WDR49: variants seen among roughly 807,000 people sequenced by gnomAD.
The protein encoded by WDR49 is WD repeat domain 49, also known as cilia- and flagella-associated protein 337.
WDR49 carries 107 observed loss-of-function variants against 119.5 expected under a neutral mutation model. The observed-to-expected ratio is 0.90, with a 90% CI of 0.77 to 1.05. The LOEUF is 1.05. Ranked by LOEUF, WDR49 falls within the 50% of genes least tolerant of loss-of-function variation. The pLI is 0.00. For missense variants in WDR49, 1,240 were observed against 1,220.5 expected, an observed-to-expected ratio of 1.02 and a Z score of -0.24; for synonymous variants, 425 against 418.8, an observed-to-expected ratio of 1.01 and a Z score of -0.18.
chr3:167,561,565 G>A (rs907857013), intron 8 of WDR49, among the ~76,000 whole-genome samples: 5 of 152,172 alleles, frequency 3.3e-5, no homozygotes, highest in African/African-American at 1.2e-4. Flanking sequence ...GAAGTACAGA[G>A]TGGAAAACCT....
At chr3:167,597,987 A>G (rs1207626861) in intron 7 of WDR49, among the ~76,000 whole-genome samples, 2 of 152,068 alleles carry the variant, frequency 1.3e-5, no homozygotes, top group African/African-American at 4.8e-5. Context: ...GGGGACCATG[A>G]TGGGGGCATG....
intron 2 of WDR49, among the ~76,000 whole-genome samples, chr3:167,638,285 AATTTT>A (rs1219933752): frequency 1.3e-5 from 2 of 151,436 alleles, no homozygotes; most frequent in Non-Finnish European, 3.0e-5. Flanking sequence ...TGAATCTCAA[AATTTT>A]ATTTTCTTCA....
At chr3:167,528,528 TAAATAAAATA>T (rs10675052) in intron 14 of WDR49, among the ~76,000 whole-genome samples, 1,768 of 148,028 alleles carry the variant, frequency 0.012, 14 homozygotes, top group East Asian at 0.053. Flanking sequence ...AAAAGTAAAA[TAAATAAAATA>T]AAATAAAATA....
chr3:167,510,536 G>A (rs1321672023), intron 16 of WDR49, among the ~76,000 whole-genome samples: 3 of 152,036 alleles, frequency 2.0e-5, no homozygotes, highest in Non-Finnish European at 4.4e-5. Flanking sequence ...TGTTAACTTA[G>A]AATTAGGCCT....
intron 16 of WDR49, among the ~76,000 whole-genome samples, chr3:167,513,358 C>G (rs1752062216): frequency 6.6e-6 from 1 of 152,098 alleles, no homozygotes; most frequent in African/African-American, 2.4e-5. Flanking sequence ...TCAAACCAAA[C>G]TAAGCTTAAT....
At chr3:167,649,787 C>T (rs1371795444) in intron 2 of WDR49, among the ~76,000 whole-genome samples, 8 of 152,186 alleles carry the variant, frequency 5.3e-5, no homozygotes, top group Admixed American at 5.2e-4. Flanking sequence ...TTACATGTGG[C>T]TTCTAGGTAT....
intron 2 of WDR49, among the ~76,000 whole-genome samples, chr3:167,637,721 T>G (rs1399580301): frequency 4.0e-5 from 6 of 151,682 alleles, no homozygotes; most frequent in Non-Finnish European, 1.5e-5. Flanking sequence ...CCTCCTTGGT[T>G]AGGTATGTTC....
intron 18 of WDR49, among the ~76,000 whole-genome samples, chr3:167,494,191 T>C (rs1035947719): frequency 2.6e-5 from 4 of 152,268 alleles, no homozygotes; most frequent in Admixed American, 2.6e-4. Flanking sequence ...AAACTGAGAC[T>C]GAATAGGGTG....
Position 167,620,455 on chromosome 3 carries a change from A to G in WDR49, c.932T>C (p.Leu311Pro), listed in dbSNP as rs1356292128. 2.6e-6 allele frequency: 4 copies of G among 1,535,640 alleles called. No homozygotes were observed. The African/African-American group carries it at 4.1e-5, about 16-fold the overall frequency. Residue 311 changes from leucine to proline, a missense_variant, in exon 5 of 19, where the codon CTT (leucine) becomes CCT (proline). Transcript: ENST00000682715. ...HKCCHILEHKLHQGDWVRQVT... is the reference protein window; with the variant it reads ...HKCCHILEHKPHQGDWVRQVT... Reference sequence around the variant, plus strand: ...TTGCCTGACCCAATCTCCTTGATGAAGTTTATGCTCTAATATATGGCAACA... The same window carrying G: ...TTGCCTGACCCAATCTCCTTGATGAGGTTTATGCTCTAATATATGGCAACA...
In WDR49 at chr3:167,522,395, T is replaced by C. The variant is rs1440700600; in HGVS notation, c.2694A>G (p.Leu898=). The C allele has an allele frequency of 8.7e-6, 14 of 1,610,984 alleles. No homozygotes were observed. Among genetic ancestry groups the C allele is most frequent in the Non-Finnish European group, 1.1e-5 (13 of 1,179,166 alleles). ...CTAAACAAGATTCCTCCTTAGAAAA[T>C]AAAGAAATTTCCTTTTGAATCTCAC... ...VESEIQKEIS[L]FSKEESCLDP... The change falls in exon 16 of 19, where the codon TTA becomes TTG. Residue 898 remains leucine, a synonymous_variant. Transcript: ENST00000682715.
At chr3:167,633,457 T>C (rs559421548) in intron 2 of WDR49, 1 of 456,240 alleles carries the variant, frequency 2.2e-6, no homozygotes, top group African/African-American at 2.0e-5. Context: ...CGACATTTCA[T>C]CCATGTGAGT....
intron 18 of WDR49, among the ~76,000 whole-genome samples, chr3:167,491,893 A>G (rs1751146548): frequency 6.6e-6 from 1 of 152,196 alleles, no homozygotes; most frequent in South Asian, 2.1e-4. Context: ...ACAAAAGGAC[A>G]TAAAAAACCC....
chr3:167,577,389 T>G (rs563387327), intron 7 of WDR49, among the ~76,000 whole-genome samples: 1 of 152,310 alleles, frequency 6.6e-6, no homozygotes, highest in South Asian at 2.1e-4. Flanking sequence ...AAAAAACATG[T>G]AGAATGTATC....
At chr3:167,616,044 A>G (rs1320772637) in intron 5 of WDR49, among the ~76,000 whole-genome samples, 3 of 152,222 alleles carry the variant, frequency 2.0e-5, no homozygotes, top group East Asian at 3.8e-4. Context: ...TTAGAAGTTA[A>G]GTTTCTTGGG....
chr3:167,612,143 C>T (rs1000219835), intron 5 of WDR49, among the ~76,000 whole-genome samples: 1 of 152,002 alleles, frequency 6.6e-6, no homozygotes, highest in Non-Finnish European at 1.5e-5. Context: ...TTTTCTCTGA[C>T]CACAATGAAT....
intron 5 of WDR49, among the ~76,000 whole-genome samples, chr3:167,614,521 TTACACAA>T: frequency 6.6e-6 from 1 of 152,314 alleles, no homozygotes; most frequent in Non-Finnish European, 1.5e-5. Context: ...CTTAGCACTA[TTACACAA>T]AACCTCTATA....
At chr3:167,535,561 C>T (rs576402647) in intron 11 of WDR49, among the ~76,000 whole-genome samples, 6 of 152,180 alleles carry the variant, frequency 3.9e-5, no homozygotes, top group African/African-American at 1.4e-4. Context: ...CACTTCATTC[C>T]AGTCAGAATG....
chr3:167,522,553 A>G, intron 15 of WDR49, 69 bp from the exon 16 acceptor site: 1 of 1,493,696 alleles, frequency 6.7e-7, no homozygotes, highest in Non-Finnish European at 9.0e-7. Flanking sequence ...ACGTGTGTTT[A>G]CCATGTGCTG....
At chr3:167,519,802 T>A (rs1028898819) in intron 16 of WDR49, among the ~76,000 whole-genome samples, 4 of 152,036 alleles carry the variant, frequency 2.6e-5, no homozygotes, top group Admixed American at 6.6e-5. Flanking sequence ...AAATAAATTT[T>A]AAAAAACCCT....
Sources: gnomAD v4.1 joint callset for allele counts (sites outside exome capture counted in the v4.1 genomes callset) on GRCh38, gnomAD v4.1.1 for gene constraint, MANE v1.5 for transcripts, NCBI Gene and HGNC (gene_info 2026-07-23, HGNC 2026-07-21) for gene names.